The following TRDMT1 variants were observed in gnomAD, a reference collection of about 807,000 sequenced individuals.
TRDMT1 encodes the protein tRNA (cytosine(38)-C(5))-methyltransferase.
Under a neutral mutation model 51.2 loss-of-function variants are expected in TRDMT1, and 49 were observed. The observed-to-expected ratio is 0.96, with a 90% CI of 0.76 to 1.21. The LOEUF is 1.21. Ranked by LOEUF, TRDMT1 falls within the 50% of genes most tolerant of loss-of-function variation. The pLI, the probability that TRDMT1 is intolerant of heterozygous loss-of-function variation, is 0.00. For synonymous variants in TRDMT1, 187 were observed against 164.6 expected (o/e 1.14, Z -1.04); for missense variants, 534 against 462.3 (o/e 1.16, Z -1.42).
intron 1 of TRDMT1, among the ~76,000 whole-genome samples, chr10:17,194,042 C>G (rs1845049850): frequency 6.6e-6 from 1 of 151,318 alleles, no homozygotes; most frequent in Non-Finnish European, 1.5e-5. Flanking sequence ...ACAAAGTAGA[C>G]AAAAAAAATG....
At chr10:17,196,710 C>T (rs1181358427) in intron 1 of TRDMT1, among the ~76,000 whole-genome samples, 1 of 152,158 alleles carries the variant, frequency 6.6e-6, no homozygotes, top group African/African-American at 2.4e-5. Context: ...AAATTTGCCA[C>T]AGTATGGATC....
intron 1 of TRDMT1, among the ~76,000 whole-genome samples, chr10:17,187,469 A>G (rs1026175666): frequency 1.3e-5 from 2 of 152,174 alleles, no homozygotes; most frequent in South Asian, 2.1e-4. Flanking sequence ...ATGTTCATGT[A>G]CTATAGCTTA....
At chr10:17,200,787 C>T (rs868857886) in intron 1 of TRDMT1, among the ~76,000 whole-genome samples, 2 of 151,980 alleles carry the variant, frequency 1.3e-5, no homozygotes, top group Non-Finnish European at 2.9e-5. Flanking sequence ...TAATAGTTTG[C>T]TTGATAATAT....
chr10:17,148,869 A>G lies in TRDMT1; in HGVS notation c.*171T>C, dbSNP rs575311748. 1 of 1,236,582 alleles carries G rather than the reference A, an allele frequency of 8.1e-7. No homozygotes were observed. The highest frequency in any genetic ancestry group is 1.5e-5 in the African/African-American group (1 of 65,164). The allele number at this position is 1,236,582 out of a possible 1,614,324, so 76.6% of individuals were successfully genotyped here. ...TTCGTATTTTATAAAATACAGTAAT[A>G]TAAATTTGATGAAACACATGGATTT... On this transcript the variant is annotated 3_prime_UTR_variant, in exon 11 of 11. Transcript: ENST00000377799.
intron 2 of TRDMT1, among the ~76,000 whole-genome samples, chr10:17,170,455 G>C (rs1457367975): frequency 6.6e-6 from 1 of 152,176 alleles, no homozygotes; most frequent in Admixed American, 6.5e-5. Context: ...GATAATATTA[G>C]ATCAAGTCAG....
At chr10:17,201,481 T>A (rs1885394) in intron 1 of TRDMT1, 90 bp downstream of exon 1, 1,134,928 of 1,371,662 alleles carry the variant, frequency 0.83, 472,167 homozygotes, top group Middle Eastern at 0.86. Flanking sequence ...GTCCGCCCCT[T>A]GCGTCTCGCC....
Position 17,145,831 on chromosome 10 carries a change from A to G in TRDMT1, c.*3209T>C. 2 of 985,466 alleles carry G rather than the reference A, an allele frequency of 2.0e-6. No homozygotes were observed. Among genetic ancestry groups the G allele is most frequent in the Non-Finnish European group, 2.4e-6 (2 of 829,936 alleles). The allele number at this position is 985,466 out of a possible 1,614,324, so 61.0% of individuals were successfully genotyped here. On this transcript the variant is annotated 3_prime_UTR_variant, in exon 11 of 11. Coordinates refer to ENST00000377799, the MANE Select transcript of TRDMT1 (RefSeq NM_004412.7). Reference sequence around the variant, plus strand: ...GAATGCATCCTTTAGTAGGTGCTTGATATTAGATGAAATGTGGTTGCTTCT... The same window carrying G: ...GAATGCATCCTTTAGTAGGTGCTTGGTATTAGATGAAATGTGGTTGCTTCT...
Position 17,182,286 on chromosome 10 carries a change from A to C in TRDMT1, c.65-7626T>G, listed in dbSNP as rs76135417. Among the ~76,000 whole-genome samples, 946 of 152,312 alleles carry C rather than the reference A, an allele frequency of 6.2e-3. 3 individuals carry two copies. Among genetic ancestry groups the C allele is most frequent in the Non-Finnish European group, 0.011 (762 of 68,024 alleles). Reference sequence around the variant, plus strand: ...AAAAAAACTGGTTTCTGGTGACATGATTTGAGCCCCTGCTTCAAACTCTAC... The same window carrying C: ...AAAAAAACTGGTTTCTGGTGACATGCTTTGAGCCCCTGCTTCAAACTCTAC... On this transcript the variant is annotated intron_variant, in intron 1 of 10. Transcript: ENST00000377799.
intron 3 of TRDMT1, among the ~76,000 whole-genome samples, chr10:17,163,305 T>G (rs1296686456): frequency 6.6e-6 from 1 of 151,472 alleles, no homozygotes. Flanking sequence ...GAATAGAGGA[T>G]CAAGCAGAAA....
chr10:17,198,115 A>C (rs1173265476), intron 1 of TRDMT1, among the ~76,000 whole-genome samples: 1 of 152,238 alleles, frequency 6.6e-6, no homozygotes, highest in African/African-American at 2.4e-5. Context: ...ACAATAGGAT[A>C]TGATTTCATA....
intron 10 of TRDMT1, chr10:17,151,804 A>T (rs1838774802): frequency 1.2e-6 from 1 of 844,508 alleles, no homozygotes; most frequent in South Asian, 5.4e-5. Context: ...CAGATATTAG[A>T]TAAGAATTTC....
intron 9 of TRDMT1, 91 bp downstream of exon 9, chr10:17,154,586 G>T: frequency 1.2e-6 from 1 of 835,804 alleles, no homozygotes; most frequent in Non-Finnish European, 1.8e-6. Flanking sequence ...ATGGCCAGTT[G>T]AATGCATAAA....
Position 17,143,976 on chromosome 10 carries a change from GA to G in TRDMT1, c.*5063del. 1.0e-6 allele frequency: 1 copy of G among 985,424 alleles called. No individual in the cohort carries two copies. Among genetic ancestry groups the G allele is most frequent in the Non-Finnish European group, 1.2e-6 (1 of 829,936 alleles). The allele number at this position is 985,424 out of a possible 1,614,324, so 61.0% of individuals were successfully genotyped here. On this transcript the variant is annotated 3_prime_UTR_variant, in exon 11 of 11. Transcript: ENST00000377799. ...ATCCAAGTTAAAAATGTCCCAGCAT[GA>G]AGATTCTAGAATAGGACTTAGGAAA... is the stretch of plus-strand genomic sequence containing the variant.
In TRDMT1 at chr10:17,161,370, T is replaced by A; in HGVS notation, c.389+113A>T. On this transcript the variant is annotated intron_variant, in intron 5 of 10. Transcript: ENST00000377799. ...CAATACTGATGAGTAAGACATTTAA[T>A]ATATAAAATGTCAGAATGTATGCAC... The A allele has an allele frequency of 5.7e-6, 4 of 707,246 alleles. No homozygotes were observed. The South Asian group carries it at 1.3e-4, about 23-fold the overall frequency. 43.8% of individuals were successfully genotyped at this position (707,246 alleles called of 1,614,324 possible).
At chr10:17,186,387 A>G (rs1843931595) in intron 1 of TRDMT1, among the ~76,000 whole-genome samples, 1 of 152,150 alleles carries the variant, frequency 6.6e-6, no homozygotes, top group African/African-American at 2.4e-5. Flanking sequence ...AGGACTGAGG[A>G]AGGTTAAAAT....
At chr10:17,158,060 C>T (rs1368629527) in intron 7 of TRDMT1, among the ~76,000 whole-genome samples, 1 of 151,914 alleles carries the variant, frequency 6.6e-6, no homozygotes, top group Non-Finnish European at 1.5e-5. Flanking sequence ...AAAGTATATA[C>T]TGAATATAGA....
In TRDMT1 at chr10:17,145,001, C is replaced by A. The variant is rs144230913; in HGVS notation, c.*4039G>T. On this transcript the variant is annotated 3_prime_UTR_variant, in exon 11 of 11. Transcript: ENST00000377799. ...GGTGGCTCATGCCTGTAAAACCCAG[C>A]ACTTAGGGAAGCCAAGGTGGGTGGA... 199 of 984,420 alleles carry A rather than the reference C, an allele frequency of 2.0e-4. 1 individual carries two copies. The African/African-American group carries it at 3.2e-3, about 16-fold the overall frequency. 61.0% of individuals were successfully genotyped at this position (984,420 alleles called of 1,614,324 possible).
At chr10:17,192,746 T>A (rs1235364371) in intron 1 of TRDMT1, among the ~76,000 whole-genome samples, 2 of 152,192 alleles carry the variant, frequency 1.3e-5, no homozygotes, top group Non-Finnish European at 2.9e-5. Context: ...GGAAAGATGT[T>A]GTGTGGAGAG....
rs758336473 is a variant in TRDMT1 at position 17,140,037 on chromosome 10, CTTTTTTTTTTTTT to C, written c.*8990_*9002del. On this transcript the variant is annotated 3_prime_UTR_variant, in exon 11 of 11. Transcript: ENST00000377799. ...TATTCTTCCAGTAACATCTAGTGTG[CTTTTTTTTTTTTT>C]TTTTTTTTTTTTTGAGACAGAGTCT... is the stretch of plus-strand genomic sequence containing the variant. 9.1e-5 allele frequency among the ~76,000 whole-genome samples: 2 copies of C among 21,914 alleles called. No homozygotes were observed. The highest frequency in any genetic ancestry group is 1.7e-4 in the Non-Finnish European group (2 of 11,716). The allele number at this position is 21,914 out of a possible 152,430, so 14.4% of individuals were successfully genotyped here.
Sources: allele counts gnomAD v4.1 joint callset (sites outside exome capture counted in the v4.1 genomes callset), GRCh38; gene constraint gnomAD v4.1.1; transcripts MANE v1.5; gene names NCBI Gene and HGNC (gene_info 2026-07-23, HGNC 2026-07-21).